Variants in PDE5A observed in about 807,000 individuals in gnomAD.
The protein encoded by PDE5A is phosphodiesterase 5A.
Under a neutral mutation model 110.2 loss-of-function variants are expected in PDE5A, and 67 were observed. The ratio of observed to expected loss-of-function variants is 0.61; its 90% CI spans 0.50 to 0.75. PDE5A has a LOEUF of 0.75. Among genes scored for constraint, PDE5A ranks in the 30% least tolerant of loss-of-function variants. The probability of loss-of-function intolerance (pLI) is 0.00; values close to 1 mark genes in which losing one functional copy is unlikely to be tolerated. For synonymous variants in PDE5A, 328 were observed against 351.2 expected (o/e 0.93, Z 0.74); for missense variants, 862 against 1,045.1 (o/e 0.82, Z 2.42).
intron 3 of PDE5A, among the ~76,000 whole-genome samples, chr4:119,578,225 G>A (rs78739978): frequency 2.0e-5 from 3 of 150,992 alleles, no homozygotes; most frequent in South Asian, 2.1e-4. Context: ...ATGCTCATGG[G>A]TAGGAAGAAT....
At chr4:119,577,521 G>A (rs571960120) in intron 3 of PDE5A, among the ~76,000 whole-genome samples, 1 of 152,274 alleles carries the variant, frequency 6.6e-6, no homozygotes, top group South Asian at 2.1e-4. Flanking sequence ...GGGATGCAAG[G>A]CTGGTTCAAC....
chr4:119,611,082 C>T (rs984049080), intron 1 of PDE5A, among the ~76,000 whole-genome samples: 2 of 152,210 alleles, frequency 1.3e-5, no homozygotes, highest in African/African-American at 4.8e-5. Flanking sequence ...ACTAACTGCC[C>T]TGTCTGGGAT....
chr4:119,578,006 G>A (rs967376128), intron 3 of PDE5A, among the ~76,000 whole-genome samples: 11 of 152,192 alleles, frequency 7.2e-5, no homozygotes, highest in South Asian at 2.1e-4. Flanking sequence ...ACACAAAATC[G>A]ATGGGCAAAA....
chr4:119,516,899 G>A (rs760414701), intron 14 of PDE5A, among the ~76,000 whole-genome samples: 1 of 152,176 alleles, frequency 6.6e-6, no homozygotes, highest in Non-Finnish European at 1.5e-5. Flanking sequence ...GATTACAGGC[G>A]TGAGCCACCG....
chr4:119,532,889 T>C lies in PDE5A; in HGVS notation c.1632+6071A>G, dbSNP rs528352080. Reference sequence around the variant, plus strand: ...CATACTGCTATCAAAGGCATTCTGCTTGCCTTAGGTCTGAAGCGTGAAATC... The same window carrying C: ...CATACTGCTATCAAAGGCATTCTGCCTGCCTTAGGTCTGAAGCGTGAAATC... On this transcript the variant is annotated intron_variant, in intron 11 of 20. Transcript: ENST00000354960. Among the ~76,000 whole-genome samples the C allele has an allele frequency of 2.4e-4, 36 of 152,256 alleles. No homozygotes were observed. In the South Asian group the frequency reaches 6.2e-3, roughly 26 times the overall value.
chr4:119,593,670 G>A (rs1309412931), intron 3 of PDE5A, among the ~76,000 whole-genome samples: 1 of 152,194 alleles, frequency 6.6e-6, no homozygotes, highest in African/African-American at 2.4e-5. Flanking sequence ...GTGGTTACAT[G>A]ATCGAATATA....
At chr4:119,619,253 A>T (rs1458408990) in intron 1 of PDE5A, among the ~76,000 whole-genome samples, 1 of 152,188 alleles carries the variant, frequency 6.6e-6, no homozygotes, top group Non-Finnish European at 1.5e-5. Context: ...ACCTGGATCC[A>T]CTACTCAAAT....
intron 1 of PDE5A, among the ~76,000 whole-genome samples, chr4:119,626,701 G>C (rs924341287): frequency 1.3e-5 from 2 of 151,472 alleles, no homozygotes; most frequent in African/African-American, 4.9e-5. Flanking sequence ...CATGGCCTTA[G>C]TGTCTCACGC....
intron 10 of PDE5A, among the ~76,000 whole-genome samples, chr4:119,541,395 G>T (rs1726923001): frequency 6.6e-6 from 1 of 151,652 alleles, no homozygotes; most frequent in Non-Finnish European, 1.5e-5. Flanking sequence ...ATGTACATGT[G>T]TATATGCACC....
At chr4:119,591,135 C>T (rs1187139337) in intron 3 of PDE5A, among the ~76,000 whole-genome samples, 1 of 152,134 alleles carries the variant, frequency 6.6e-6, no homozygotes, top group Non-Finnish European at 1.5e-5. Flanking sequence ...GTGTTGGGAT[C>T]CCAGTTAGCT....
At chr4:119,530,701 G>C (rs1344771984) in intron 11 of PDE5A, among the ~76,000 whole-genome samples, 1 of 151,930 alleles carries the variant, frequency 6.6e-6, no homozygotes, top group Non-Finnish European at 1.5e-5. Context: ...GTTAAATATT[G>C]AATGAATAAA....
At chr4:119,559,581 C>T (rs1727671951) in intron 7 of PDE5A, among the ~76,000 whole-genome samples, 2 of 152,136 alleles carry the variant, frequency 1.3e-5, no homozygotes, top group Admixed American at 1.3e-4. Context: ...TTTCTAAAAT[C>T]TTCTTTCCAA....
At chr4:119,524,425 G>GTAAA (rs10640351) in intron 12 of PDE5A, among the ~76,000 whole-genome samples, 1,940 of 152,232 alleles carry the variant, frequency 0.013, 36 homozygotes, top group African/African-American at 0.041. Flanking sequence ...TCTAACAAGA[G>GTAAA]TAAAGTATTA....
intron 9 of PDE5A, chr4:119,543,045 T>TACACACACACACACAC (rs70944890): frequency 0.085 from 10,507 of 124,274 alleles, 821 homozygotes; most frequent in Admixed American, 0.12. Flanking sequence ...AAGTTAAACA[T>TACACACACACACACAC]ACACACACAC....
chr4:119,542,213 G>A (rs1259404922), intron 10 of PDE5A, among the ~76,000 whole-genome samples: 2 of 152,126 alleles, frequency 1.3e-5, no homozygotes, highest in African/African-American at 4.8e-5. Flanking sequence ...AAAAAGCAAA[G>A]GCATAAAGGG....
intron 6 of PDE5A, 70 bp from the exon 7 acceptor site, chr4:119,560,433 A>G: frequency 2.2e-6 from 2 of 925,478 alleles, no homozygotes; most frequent in Non-Finnish European, 1.6e-6. Context: ...ATACAGACAT[A>G]CATGCTATGG....
At chr4:119,567,581 A>G (rs1476673509) in intron 3 of PDE5A, among the ~76,000 whole-genome samples, 22 of 152,186 alleles carry the variant, frequency 1.4e-4, no homozygotes, top group Non-Finnish European at 3.1e-4. Context: ...ATGAAACAGG[A>G]CCTAGTGGCC....
intron 11 of PDE5A, among the ~76,000 whole-genome samples, chr4:119,526,711 A>G (rs1168033699): frequency 6.6e-6 from 1 of 152,148 alleles, no homozygotes; most frequent in Admixed American, 6.6e-5. Flanking sequence ...GGAGCAATCT[A>G]AAGTAGATTT....
intron 11 of PDE5A, among the ~76,000 whole-genome samples, chr4:119,536,171 G>C (rs1310117001): frequency 6.6e-6 from 1 of 152,110 alleles, no homozygotes; most frequent in Admixed American, 6.6e-5. Flanking sequence ...TTATTCAAAA[G>C]TATTTTTCTC....
Sources: gnomAD v4.1 joint callset for allele counts (sites outside exome capture counted in the v4.1 genomes callset) on GRCh38, gnomAD v4.1.1 for gene constraint, MANE v1.5 for transcripts, NCBI Gene and HGNC (gene_info 2026-07-23, HGNC 2026-07-21) for gene names.